The following ME3 variants were observed in gnomAD, a reference collection of about 807,000 sequenced individuals.
ME3 encodes NADP-dependent malic enzyme, mitochondrial.
A neutral mutation model predicts 68.9 loss-of-function variants in ME3; 48 were observed. That is an observed-to-expected ratio of 0.70 (90% CI 0.55 to 0.89). ME3 has a LOEUF of 0.89. Ranked by LOEUF, ME3 falls within the 40% of genes least tolerant of loss-of-function variation. ME3 has a pLI of 0.00. For synonymous variants in ME3, 320 were observed against 318.8 expected (o/e 1.00, Z -0.04); for missense variants, 675 against 797.4 (o/e 0.85, Z 1.85).
intron 4 of ME3, among the ~76,000 whole-genome samples, chr11:86,520,478 A>G (rs1402379318): frequency 2.6e-5 from 4 of 152,172 alleles, no homozygotes; most frequent in Non-Finnish European, 4.4e-5. Context: ...AAACCTTGCA[A>G]TGGGGTATAA....
chr11:86,582,834 T>C (rs1037120035), intron 2 of ME3, among the ~76,000 whole-genome samples: 1 of 151,256 alleles, frequency 6.6e-6, no homozygotes, highest in Non-Finnish European at 1.5e-5. Flanking sequence ...TTGCCTCACC[T>C]GCACACAACA....
chr11:86,629,036 A>C (rs1214774251), intron 2 of ME3, among the ~76,000 whole-genome samples: 4 of 152,234 alleles, frequency 2.6e-5, no homozygotes, highest in Non-Finnish European at 4.4e-5. Context: ...CAGGGTCTGC[A>C]AAGAGAGGCC....
chr11:86,570,309 T>C (rs543334035), intron 2 of ME3, among the ~76,000 whole-genome samples: 15 of 152,130 alleles, frequency 9.9e-5, no homozygotes, highest in Non-Finnish European at 1.8e-4. Flanking sequence ...AGCTCTGAGA[T>C]TGTACAGTTT....
chr11:86,497,002 G>T (rs1952378190), intron 6 of ME3, among the ~76,000 whole-genome samples: 1 of 151,898 alleles, frequency 6.6e-6, no homozygotes, highest in Admixed American at 6.6e-5. Context: ...ATTTATTTGA[G>T]ACAGAGTCTT....
At chr11:86,652,738 A>G (rs1413000800) in intron 2 of ME3, among the ~76,000 whole-genome samples, 8 of 152,158 alleles carry the variant, frequency 5.3e-5, no homozygotes, top group Non-Finnish European at 1.0e-4. Context: ...AAATTCACAC[A>G]TAACAATATC....
intron 9 of ME3, 137 bp downstream of exon 9, chr11:86,450,164 A>G: frequency 1.0e-6 from 1 of 987,030 alleles, no homozygotes; most frequent in Non-Finnish European, 1.5e-6. Context: ...GTCAGAGCCT[A>G]GGCAGCTGCA....
chr11:86,548,781 G>A (rs924489685), intron 4 of ME3, among the ~76,000 whole-genome samples: 1 of 152,094 alleles, frequency 6.6e-6, no homozygotes. Flanking sequence ...GAAAGGGGGA[G>A]GGATTATAGG....
chr11:86,497,975 G>A, exon 6 of ME3: 1 of 1,602,282 alleles, frequency 6.2e-7, no homozygotes, highest in South Asian at 1.1e-5. Flanking sequence ...CATTGTTGGT[G>A]CCGACGTCCA....
intron 2 of ME3, among the ~76,000 whole-genome samples, chr11:86,565,008 G>A (rs566208498): frequency 6.6e-6 from 1 of 152,206 alleles, no homozygotes; most frequent in South Asian, 2.1e-4. Context: ...AAAGAAATAT[G>A]ACCCAATTTA....
At chr11:86,507,339 C>T (rs1233060990) in intron 5 of ME3, among the ~76,000 whole-genome samples, 1 of 152,134 alleles carries the variant, frequency 6.6e-6, no homozygotes, top group Non-Finnish European at 1.5e-5. Context: ...AATATGGGCC[C>T]ATATACCTTC....
At chr11:86,606,119 TAAC>T (rs771074831) in intron 2 of ME3, among the ~76,000 whole-genome samples, 1 of 152,210 alleles carries the variant, frequency 6.6e-6, no homozygotes, top group East Asian at 1.9e-4. Flanking sequence ...TACTTGAGAA[TAAC>T]AACAATATCA....
chr11:86,641,099 T>C (rs1265089552), intron 2 of ME3, among the ~76,000 whole-genome samples: 1 of 149,838 alleles, frequency 6.7e-6, no homozygotes, highest in African/African-American at 2.5e-5. Context: ...GCATAATATA[T>C]ATTTAAATTA....
intron 2 of ME3, among the ~76,000 whole-genome samples, chr11:86,620,418 G>C (rs980913291): frequency 1.1e-4 from 16 of 152,168 alleles, no homozygotes; most frequent in African/African-American, 3.1e-4. Flanking sequence ...ATCACTGCTA[G>C]CTGTTGTCAC....
At chr11:86,513,137 C>G (rs1436768663) in intron 4 of ME3, among the ~76,000 whole-genome samples, 2 of 152,152 alleles carry the variant, frequency 1.3e-5, no homozygotes, top group Non-Finnish European at 2.9e-5. Context: ...CTTAAATTAT[C>G]TGTGTACATT....
At chr11:86,655,037 C>T (rs1945761060) in intron 2 of ME3, among the ~76,000 whole-genome samples, 1 of 152,174 alleles carries the variant, frequency 6.6e-6, no homozygotes, top group Admixed American at 6.5e-5. Context: ...ATCCAACTTA[C>T]AAGGGATGTG....
chr11:86,446,935 T>C lies in ME3; in HGVS notation c.1380+130A>G, dbSNP rs1593988963. The C allele has an allele frequency of 3.2e-6, 4 of 1,264,454 alleles. No individual in the cohort carries two copies. In the African/African-American group the frequency reaches 4.5e-5, roughly 14 times the overall value. The allele number at this position is 1,264,454 out of a possible 1,614,324, so 78.3% of individuals were successfully genotyped here. A position where few individuals can be genotyped will look rare whatever the true frequency, so the allele number is the denominator to read the frequency against. On this transcript the variant is annotated intron_variant, in intron 12 of 14. Transcript: ENST00000543262. The stretch of plus-strand genomic sequence containing the variant: ...CTTATTAGCTCTTTGACCTTGGGCA[T>C]GTTACTTCATCTTTCTGAAATTCAG...
At chr11:86,631,189 G>A (rs907874003) in intron 2 of ME3, among the ~76,000 whole-genome samples, 1 of 152,230 alleles carries the variant, frequency 6.6e-6, no homozygotes, top group African/African-American at 2.4e-5. Context: ...TGGTCATGGA[G>A]CTTGGCCTGA....
intron 7 of ME3, among the ~76,000 whole-genome samples, chr11:86,468,572 T>A (rs947027577): frequency 6.6e-6 from 1 of 152,246 alleles, no homozygotes; most frequent in Non-Finnish European, 1.5e-5. Context: ...TGGCGGAAAC[T>A]TAATGTTTGG....
chr11:86,496,884 G>GA (rs71040242), intron 6 of ME3, among the ~76,000 whole-genome samples: 9 of 149,370 alleles, frequency 6.0e-5, no homozygotes, highest in South Asian at 2.1e-4. Context: ...TAAGTGCGTG[G>GA]AAAAAAAAAA....
Sources: gnomAD v4.1 joint callset for allele counts (sites outside exome capture counted in the v4.1 genomes callset) on GRCh38, gnomAD v4.1.1 for gene constraint, MANE v1.5 for transcripts, NCBI Gene and HGNC (gene_info 2026-07-23, HGNC 2026-07-21) for gene names.